Variants in RAET1E observed in about 807,000 individuals in gnomAD.
RAET1E encodes retinoic acid early transcript 1E.
RAET1E carries 27 observed loss-of-function variants against 21.1 expected under a neutral mutation model. The observed-to-expected ratio is 1.28, with a 90% CI of 0.94 to 1.76. The LOEUF is 1.76. Among genes scored for constraint, RAET1E ranks in the 40% most tolerant of loss-of-function variants. RAET1E has a pLI of 0.00. For missense variants in RAET1E, 310 were observed against 311.3 expected, an observed-to-expected ratio of 1.00 and a Z score of 0.03; for synonymous variants, 113 against 115.0, an observed-to-expected ratio of 0.98 and a Z score of 0.11.
chr6:149,892,057 C>T (rs1777925608), intron 2 of RAET1E, among the ~76,000 whole-genome samples: 1 of 152,222 alleles, frequency 6.6e-6, no homozygotes, highest in African/African-American at 2.4e-5. Context: ...AGGGCATAAA[C>T]TCATCCCTTT....
In RAET1E at chr6:149,883,369, T is replaced by G. The variant is rs1262961070; in HGVS notation, c.*5129A>C. ...AAAAGTACACACACAATTTTTTTTT[T>G]TTTTTTGCATTCAGTGTTAAAGTGT... On this transcript the variant is annotated 3_prime_UTR_variant, in exon 6 of 6. Transcript: ENST00000357183. 1 of 152,028 alleles carries G rather than the reference T, an allele frequency of 6.6e-6. No homozygotes were observed. The highest frequency in any genetic ancestry group is 6.5e-5 in the Admixed American group (1 of 15,268). The allele number at this position is 152,028 out of a possible 1,614,324, so 9.4% of individuals were successfully genotyped here.
chr6:149,888,995 A>G (rs913287581), intron 5 of RAET1E: 1 of 1,015,334 alleles, frequency 9.8e-7, no homozygotes, highest in Non-Finnish European at 1.3e-6. Flanking sequence ...AAGGTGGGGA[A>G]GGCTTCCTAA....
Position 149,884,221 on chromosome 6 carries a change from T to C in RAET1E, c.*4277A>G. On this transcript the variant is annotated 3_prime_UTR_variant, in exon 6 of 6. Transcript: ENST00000357183. ...TCAGATTCCTGGGCTCAAGTGATCC[T>C]CCTGCCTAGGCCTCCCAAAGTGTTG... 2.3e-6 allele frequency: 1 copy of C among 432,268 alleles called. No individual in the cohort carries two copies. Among genetic ancestry groups the C allele is most frequent in the Non-Finnish European group, 4.3e-6 (1 of 234,622 alleles). The allele number at this position is 432,268 out of a possible 1,614,324, so 26.8% of individuals were successfully genotyped here.
chr6:149,888,465 C>T lies in RAET1E; in HGVS notation c.*33G>A. On this transcript the variant is annotated 3_prime_UTR_variant, in exon 6 of 6. Transcript: ENST00000357183. ...TCAGGGAGCGGGGGCTTGGATGAGA[C>T]CCATGATTCACCTCTCTTGAGTCCT... 6.2e-7 allele frequency: 1 copy of T among 1,604,124 alleles called. No individual in the cohort carries two copies. The highest frequency in any genetic ancestry group is 1.3e-5 in the African/African-American group (1 of 74,494).
chr6:149,889,211 C>T, intron 5 of RAET1E, 137 bp downstream of exon 5: 1 of 1,457,882 alleles, frequency 6.9e-7, no homozygotes. Flanking sequence ...TCCTTATAGC[C>T]ATCACTGACT....
At position 149,886,509 on chromosome 6, in the gene RAET1E, C is replaced by T. The variant is rs1212206274; in HGVS notation, c.*1989G>A. Among the ~76,000 whole-genome samples, 1 of 152,242 alleles carries T rather than the reference C, an allele frequency of 6.6e-6. No homozygotes were observed. The highest frequency in any genetic ancestry group is 2.4e-5 in the African/African-American group (1 of 41,464). On this transcript the variant is annotated 3_prime_UTR_variant, in exon 6 of 6. Coordinates refer to ENST00000357183, the MANE Select transcript of RAET1E (RefSeq NM_001394057.1). ...TCCTGAGTTCAAGCGATTCTCCTGT[C>T]TCAGCCTCCCGAGTAGCTGGGATTA...
Position 149,884,278 on chromosome 6 carries a change from CT to C in RAET1E, c.*4219del, listed in dbSNP as rs1318611822. The stretch of plus-strand genomic sequence containing the variant: ...TAGATGTGAGCTGCTGTGCCCAGCC[CT>C]ATCTTTTAAAAAATATGTACTGAAA... On this transcript the variant is annotated 3_prime_UTR_variant, in exon 6 of 6. Transcript: ENST00000357183. 1 of 552,834 alleles carries C rather than the reference CT, an allele frequency of 1.8e-6. No homozygotes were observed. Among genetic ancestry groups the C allele is most frequent in the Non-Finnish European group, 3.3e-6 (1 of 307,146 alleles). The allele number at this position is 552,834 out of a possible 1,614,324, so 34.2% of individuals were successfully genotyped here. A position where few individuals can be genotyped will look rare whatever the true frequency, so the allele number is the denominator to read the frequency against.
At chr6:149,894,678 C>T (rs1373257776) in intron 2 of RAET1E, among the ~76,000 whole-genome samples, 1 of 152,096 alleles carries the variant, frequency 6.6e-6, no homozygotes, top group Non-Finnish European at 1.5e-5. Context: ...ATTCGACTAA[C>T]CTTTTTTCAA....
intron 5 of RAET1E, among the ~76,000 whole-genome samples, 193 bp from the exon 6 acceptor site, chr6:149,888,860 T>C (rs1777745195): frequency 6.6e-6 from 1 of 152,174 alleles, no homozygotes; most frequent in Non-Finnish European, 1.5e-5. Context: ...CTTGTCCTTA[T>C]GGAGCTCAGA....
chr6:149,894,328 C>A (rs1225655003), intron 2 of RAET1E, among the ~76,000 whole-genome samples: 1 of 152,106 alleles, frequency 6.6e-6, no homozygotes, highest in Non-Finnish European at 1.5e-5. Context: ...GCCTGCCTTG[C>A]TAGGTTGGGG....
chr6:149,897,282 C>A (rs1034787299), intron 1 of RAET1E, among the ~76,000 whole-genome samples: 1 of 152,046 alleles, frequency 6.6e-6, no homozygotes, highest in Non-Finnish European at 1.5e-5. Context: ...CAATCCTCCC[C>A]CCTCAGCCTC....
At position 149,888,055 on chromosome 6, in the gene RAET1E, A is replaced by T; in HGVS notation, c.*443T>A. 1 of 389,918 alleles carries T rather than the reference A, an allele frequency of 2.6e-6. No individual in the cohort carries two copies. The highest frequency in any genetic ancestry group is 7.5e-5 in the East Asian group (1 of 13,328). 24.2% of individuals were successfully genotyped at this position (389,918 alleles called of 1,614,324 possible). Reference sequence around the variant, plus strand: ...CATCTCTACTAAAAATGTAGGATGTAGTTCGGCACTGTAATGTTTAGAGGG... The same window carrying T: ...CATCTCTACTAAAAATGTAGGATGTTGTTCGGCACTGTAATGTTTAGAGGG... On this transcript the variant is annotated 3_prime_UTR_variant, in exon 6 of 6. Transcript: ENST00000357183.
intron 3 of RAET1E, 59 bp downstream of exon 3, chr6:149,890,758 C>A: frequency 8.2e-7 from 1 of 1,215,236 alleles, no homozygotes; most frequent in Non-Finnish European, 1.2e-6. Context: ...CATTCGCCTA[C>A]CCCCTACCTT....
rs1264725411 is a variant in RAET1E, at chr6:149,884,523, AG to A, written c.*3974del. 1.3e-6 allele frequency: 2 copies of A among 1,535,704 alleles called. No individual in the cohort carries two copies. The highest frequency in any genetic ancestry group is 4.9e-5 in the East Asian group (2 of 40,906). On this transcript the variant is annotated 3_prime_UTR_variant, in exon 6 of 6. Transcript: ENST00000357183. ...CTTCTGCCTTTAGGAAGGAGACAAA[AG>A]AGTGCAGAACCCTGGGTCAGATCAG...
At chr6:149,892,400 C>A (rs887212645) in intron 2 of RAET1E, among the ~76,000 whole-genome samples, 1 of 152,258 alleles carries the variant, frequency 6.6e-6, no homozygotes, top group African/African-American at 2.4e-5. Flanking sequence ...GAACGTCATT[C>A]TAACTGGCGT....
Position 149,889,457 on chromosome 6 carries a change from C to G in RAET1E, c.513G>C (p.Trp171Cys). The change falls in exon 5 of 6, where the codon TGG becomes TGC. Residue 171 changes from tryptophan (W) to cysteine (C), a missense_variant. Physicochemically the swap from Trp to Cys is radical, Grantham distance 215 (BLOSUM62 -2). Coordinates refer to ENST00000357183, the MANE Select transcript of RAET1E (RefSeq NM_001394057.1). ...NHEASKIKET[W>C]KKDRGLEKYF... is the part of the protein sequence containing the mutation. ...ACTTTTCCAGCCCTCTGTCTTTCTT[C>G]CATGTCTCCTTGATCTTACTGGCTT... 6.2e-7 allele frequency: 1 copy of G among 1,614,216 alleles called. No individual in the cohort carries two copies. Among genetic ancestry groups the G allele is most frequent in the African/African-American group, 1.3e-5 (1 of 75,054 alleles).
At chr6:149,896,492 AGGG>A (rs552236007) in intron 1 of RAET1E, among the ~76,000 whole-genome samples, 2 of 152,274 alleles carry the variant, frequency 1.3e-5, no homozygotes, top group South Asian at 2.1e-4. Flanking sequence ...GGTCTGGAGA[AGGG>A]GTCTCAAATC....
chr6:149,895,827 C>T lies in RAET1E; in HGVS notation c.-134+19G>A, dbSNP rs951686452. On this transcript the variant is annotated intron_variant, in intron 2 of 5. Transcript: ENST00000357183. ...CAGAATAGACAAGGTGGCTGAAACA[C>T]CAAGCATTTATTTCTTACCTTCCTG... 1.3e-5 allele frequency: 2 copies of T among 152,232 alleles called. No individual in the cohort carries two copies. Among genetic ancestry groups the T allele is most frequent in the African/African-American group, 4.8e-5 (2 of 41,454 alleles). The allele number at this position is 152,232 out of a possible 1,614,324, so 9.4% of individuals were successfully genotyped here.
Position 149,885,772 on chromosome 6 carries a change from C to T in RAET1E, c.*2726G>A, listed in dbSNP as rs1777581353. 6.6e-6 allele frequency: 1 copy of T among 152,126 alleles called. No homozygotes were observed. The highest frequency in any genetic ancestry group is 2.1e-4 in the South Asian group (1 of 4,820). The allele number at this position is 152,126 out of a possible 1,614,324, so 9.4% of individuals were successfully genotyped here. ...CCAAGCTCCATACCCAGGAGATGAC[C>T]CTTACCTCCGCTGCCACTCAAGTCC... On this transcript the variant is annotated 3_prime_UTR_variant, in exon 6 of 6. Transcript: ENST00000357183.
Sources: gnomAD v4.1 joint callset for allele counts (sites outside exome capture counted in the v4.1 genomes callset) on GRCh38, gnomAD v4.1.1 for gene constraint, MANE v1.5 for transcripts, NCBI Gene and HGNC (gene_info 2026-07-23, HGNC 2026-07-21) for gene names.